The following LRP1B variants were observed in gnomAD, a reference collection of about 807,000 sequenced individuals.
LRP1B encodes LDL receptor related protein 1B, also known as low-density lipoprotein receptor-related protein 1B.
A neutral mutation model predicts 556.6 loss-of-function variants in LRP1B; 217 were observed. The observed-to-expected ratio is 0.39, with a 90% confidence interval of 0.35 to 0.44. The LOEUF is 0.44. Ranked by LOEUF, LRP1B falls within the 20% of genes least tolerant of loss-of-function variation. The pLI is 1.00. For synonymous variants in LRP1B, 2,047 were observed against 1,865.8 expected (o/e 1.10, Z -2.50); for missense variants, 5,053 against 5,620.8 (o/e 0.90, Z 3.23).
intron 6 of LRP1B, among the ~76,000 whole-genome samples, chr2:141,199,579 T>C (rs1328412898): frequency 6.6e-6 from 1 of 152,288 alleles, no homozygotes; most frequent in East Asian, 1.9e-4. Flanking sequence ...CTGCTTTTCT[T>C]TGAACCTGCA....
At chr2:140,744,004 A>T (rs570021654) in intron 35 of LRP1B, among the ~76,000 whole-genome samples, 1 of 137,800 alleles carries the variant, frequency 7.3e-6, no homozygotes, top group Non-Finnish European at 1.6e-5. Context: ...AAAAAGTAAA[A>T]TCCATAGACA....
At chr2:142,122,441 T>C (rs1574710068) in intron 1 of LRP1B, among the ~76,000 whole-genome samples, 2 of 152,280 alleles carry the variant, frequency 1.3e-5, no homozygotes, top group Middle Eastern at 6.8e-3. Flanking sequence ...CATTTAGATT[T>C]AGATATTCTA....
chr2:141,519,546 C>A (rs1212500172), intron 2 of LRP1B, among the ~76,000 whole-genome samples: 4 of 151,720 alleles, frequency 2.6e-5, no homozygotes, highest in Non-Finnish European at 5.9e-5. Context: ...GTATGACAGG[C>A]AACTCTTCAG....
At chr2:140,569,408 G>T (rs1016979481) in intron 43 of LRP1B, among the ~76,000 whole-genome samples, 6 of 151,822 alleles carry the variant, frequency 4.0e-5, no homozygotes, top group African/African-American at 1.4e-4. Context: ...GTGAGCATAA[G>T]TAACTATATC....
intron 42 of LRP1B, among the ~76,000 whole-genome samples, chr2:140,599,969 T>C (rs1318826371): frequency 6.6e-6 from 1 of 152,134 alleles, no homozygotes; most frequent in Non-Finnish European, 1.5e-5. Context: ...GAAGGTGTCA[T>C]TTACATATAT....
intron 6 of LRP1B, among the ~76,000 whole-genome samples, chr2:141,204,578 T>A (rs971599142): frequency 9.9e-5 from 15 of 152,148 alleles, no homozygotes; most frequent in Non-Finnish European, 2.1e-4. Context: ...ACTTACATGT[T>A]TGAGATGAGG....
rs552932540 is a variant in LRP1B, at chr2:141,903,086, G to A, written c.83-92685C>T. Among the ~76,000 whole-genome samples, 3 of 151,222 alleles carry A rather than the reference G, an allele frequency of 2.0e-5. No homozygotes were observed. The South Asian group carries it at 6.3e-4, about 32-fold the overall frequency. On this transcript the variant is annotated intron_variant, in intron 1 of 90. Transcript: ENST00000389484. ...GTGGTGTTCATTATTCTTCAATATT[G>A]ACAATGTTAACTAGCTGATAAAAGA...
chr2:141,741,699 G>A lies in LRP1B; in HGVS notation c.205+68580C>T, dbSNP rs1352456706. ...CTTACATATTCTGGTTATTAATCTCGTCAGATGGGTAGTTTGCCAATAATT... is the reference window on the plus strand; with the variant it reads ...CTTACATATTCTGGTTATTAATCTCATCAGATGGGTAGTTTGCCAATAATT... On this transcript the variant is annotated intron_variant, in intron 2 of 90. Coordinates refer to ENST00000389484, the MANE Select transcript of LRP1B (RefSeq NM_018557.3). Among the ~76,000 whole-genome samples the A allele has an allele frequency of 4.6e-5, 7 of 151,970 alleles. No individual in the cohort carries two copies. The South Asian group carries it at 6.2e-4, about 14-fold the overall frequency.
At chr2:140,712,792 T>A (rs2105453626) in intron 37 of LRP1B, among the ~76,000 whole-genome samples, 1 of 152,220 alleles carries the variant, frequency 6.6e-6, no homozygotes, top group Non-Finnish European at 1.5e-5. Context: ...ACCATCCTCA[T>A]CACCAGTTAC....
intron 41 of LRP1B, among the ~76,000 whole-genome samples, chr2:140,628,285 C>T (rs764946752): frequency 1.3e-5 from 2 of 152,146 alleles, no homozygotes; most frequent in Non-Finnish European, 2.9e-5. Context: ...AATCCCCACA[C>T]TTTGGGAGGC....
chr2:142,028,419 T>C (rs1703578267), intron 1 of LRP1B, among the ~76,000 whole-genome samples: 1 of 151,964 alleles, frequency 6.6e-6, no homozygotes, highest in Admixed American at 6.6e-5. Flanking sequence ...GTCATACAAA[T>C]AGAATTATAC....
At chr2:141,084,591 AC>A (rs59645810) in intron 7 of LRP1B, among the ~76,000 whole-genome samples, 2,108 of 151,710 alleles carry the variant, frequency 0.014, 44 homozygotes, top group African/African-American at 0.048. Context: ...GGTAAAATGT[AC>A]CTATCTTTAT....
intron 2 of LRP1B, among the ~76,000 whole-genome samples, chr2:141,676,718 C>T (rs751318687): frequency 3.9e-5 from 6 of 152,024 alleles, no homozygotes; most frequent in Admixed American, 6.6e-5. Flanking sequence ...GGATGGCTAG[C>T]GAGGTTATGA....
intron 3 of LRP1B, among the ~76,000 whole-genome samples, chr2:141,430,284 A>G (rs1326038768): frequency 6.6e-6 from 1 of 152,172 alleles, no homozygotes; most frequent in Non-Finnish European, 1.5e-5. Flanking sequence ...TTACGTTTCT[A>G]TCTGCATAAA....
intron 2 of LRP1B, among the ~76,000 whole-genome samples, chr2:141,684,384 A>T (rs1375678460): frequency 6.6e-6 from 1 of 152,088 alleles, no homozygotes; most frequent in Non-Finnish European, 1.5e-5. Context: ...GTTCTCTCTC[A>T]TAAGTGGAAG....
intron 11 of LRP1B, among the ~76,000 whole-genome samples, chr2:141,038,742 T>A (rs1232319570): frequency 6.6e-6 from 1 of 152,078 alleles, no homozygotes; most frequent in Non-Finnish European, 1.5e-5. Flanking sequence ...AGTTTAATTG[T>A]AGTTAAAGTT....
intron 15 of LRP1B, among the ~76,000 whole-genome samples, chr2:140,996,088 C>T (rs931423339): frequency 6.6e-6 from 1 of 151,904 alleles, no homozygotes; most frequent in African/African-American, 2.4e-5. Context: ...TACCGGAATC[C>T]ATGAATCTGA....
rs186776729 is a variant in LRP1B at position 141,163,900 on chromosome 2, G to A, written c.1013+24521C>T. ...ATCCTGCATGGGTAAACTATACCTC[G>A]GACCTATTTAATGTTAAATATTTGG... On this transcript the variant is annotated intron_variant, in intron 7 of 90. Coordinates refer to ENST00000389484, the MANE Select transcript of LRP1B (RefSeq NM_018557.3). Among the ~76,000 whole-genome samples the A allele has an allele frequency of 1.3e-4, 19 of 151,966 alleles. No individual in the cohort carries two copies. The East Asian group carries it at 2.1e-3, about 17-fold the overall frequency.
At chr2:140,453,567 C>T (rs1289618245) in intron 62 of LRP1B, among the ~76,000 whole-genome samples, 1 of 151,910 alleles carries the variant, frequency 6.6e-6, no homozygotes, top group Non-Finnish European at 1.5e-5. Flanking sequence ...AATATGAATA[C>T]AGGGATAAAA....
Sources: allele counts gnomAD v4.1 joint callset (sites outside exome capture counted in the v4.1 genomes callset), GRCh38; gene constraint gnomAD v4.1.1; transcripts MANE v1.5; gene names NCBI Gene and HGNC (gene_info 2026-07-23, HGNC 2026-07-21).